ADAMTSL1: variants seen among roughly 807,000 people sequenced by gnomAD.
The protein encoded by ADAMTSL1 is ADAMTS like 1.
A neutral mutation model predicts 201.8 loss-of-function variants in ADAMTSL1; 126 were observed. The observed-to-expected ratio is 0.62, with a 90% CI of 0.54 to 0.72. The LOEUF (loss-of-function observed/expected upper bound fraction) is 0.72. Among genes scored for constraint, ADAMTSL1 ranks in the 30% least tolerant of loss-of-function variants. The pLI, the probability that ADAMTSL1 is intolerant of heterozygous loss-of-function variation, is 0.00. For synonymous variants in ADAMTSL1, 1,121 were observed against 903.4 expected (o/e 1.24, Z -4.32); for missense variants, 2,679 against 2,277.8 (o/e 1.18, Z -3.59).
At chr9:17,927,097 T>A (rs946323566) in intron 1 of ADAMTSL1, among the ~76,000 whole-genome samples, 2 of 152,228 alleles carry the variant, frequency 1.3e-5, no homozygotes, top group Non-Finnish European at 2.9e-5. Context: ...CACCATACTA[T>A]GTTCTGTTTA....
chr9:18,400,254 A>G (rs1587080416), intron 2 of ADAMTSL1, among the ~76,000 whole-genome samples: 1 of 152,214 alleles, frequency 6.6e-6, no homozygotes, highest in Admixed American at 6.5e-5. Flanking sequence ...TATGTGGACC[A>G]TATACTCTGA....
intron 2 of ADAMTSL1, among the ~76,000 whole-genome samples, chr9:18,299,657 A>G (rs1448177044): frequency 6.6e-6 from 1 of 152,186 alleles, no homozygotes; most frequent in Non-Finnish European, 1.5e-5. Context: ...AATTGGCTGC[A>G]AAGTCAAGAC....
chr9:17,958,205 C>T (rs532545118), intron 1 of ADAMTSL1, among the ~76,000 whole-genome samples: 2 of 152,176 alleles, frequency 1.3e-5, no homozygotes, highest in Non-Finnish European at 2.9e-5. Context: ...CTGTGGAATG[C>T]AAGCCACCCT....
chr9:18,391,759 T>G (rs1056783366), intron 2 of ADAMTSL1, among the ~76,000 whole-genome samples: 1 of 151,962 alleles, frequency 6.6e-6, no homozygotes, highest in Admixed American at 6.6e-5. Context: ...CAATGAAGAC[T>G]CAGATGATTT....
At chr9:18,452,807 G>A (rs572369024) in intron 2 of ADAMTSL1, among the ~76,000 whole-genome samples, 18 of 152,324 alleles carry the variant, frequency 1.2e-4, no homozygotes, top group African/African-American at 2.6e-4. Context: ...AGGTTGGGCC[G>A]CCAAGGCCTC....
At chr9:18,585,449 A>G (rs1823421207) in intron 4 of ADAMTSL1, among the ~76,000 whole-genome samples, 1 of 152,212 alleles carries the variant, frequency 6.6e-6, no homozygotes, top group African/African-American at 2.4e-5. Flanking sequence ...ACTCATGCCC[A>G]TCATTATGTG....
At chr9:18,707,622 G>T (rs997670417) in intron 14 of ADAMTSL1, among the ~76,000 whole-genome samples, 3 of 152,232 alleles carry the variant, frequency 2.0e-5, no homozygotes, top group Admixed American at 6.5e-5. Context: ...AAAGTGATTT[G>T]TTCAAGATCA....
chr9:18,727,470 C>T (rs924508922), intron 15 of ADAMTSL1, among the ~76,000 whole-genome samples: 1 of 152,236 alleles, frequency 6.6e-6, no homozygotes. Flanking sequence ...GATGTACTTA[C>T]ACTGTCTCTC....
chr9:18,364,755 G>A (rs1274982131), intron 2 of ADAMTSL1, among the ~76,000 whole-genome samples: 1 of 152,072 alleles, frequency 6.6e-6, no homozygotes, highest in Non-Finnish European at 1.5e-5. Flanking sequence ...CTGCGTCTTG[G>A]GAGGCCTCAG....
intron 2 of ADAMTSL1, among the ~76,000 whole-genome samples, chr9:18,312,777 T>G (rs1834206107): frequency 6.6e-6 from 1 of 152,236 alleles, no homozygotes; most frequent in South Asian, 2.1e-4. Context: ...CAACAAAAAC[T>G]CTCTGCAAAG....
At chr9:18,352,675 G>A (rs1452504912) in intron 2 of ADAMTSL1, among the ~76,000 whole-genome samples, 1 of 152,098 alleles carries the variant, frequency 6.6e-6, no homozygotes, top group East Asian at 1.9e-4. Flanking sequence ...TACGCCATGT[G>A]ATTCCATTTT....
chr9:18,829,889 C>G lies in ADAMTSL1; in HGVS notation c.4161C>G (p.Leu1387=). The G allele has an allele frequency of 3.1e-6, 5 of 1,613,988 alleles. No homozygotes were observed. The highest frequency in any genetic ancestry group is 4.2e-6 in the Non-Finnish European group (5 of 1,179,878). ...PTQLEDIRAL[L]AATGPNLPSV... is the part of the protein sequence containing the mutation. ...AGTTGGAAGACATCAGGGCCTTGCT[C>G]GCTGCCACTGGACCGAACCTTCCTT... The change falls in exon 23 of 29, where the codon CTC becomes CTG. Residue 1387 remains leucine (L), a synonymous_variant. Coordinates refer to ENST00000380548, the MANE Select transcript of ADAMTSL1 (RefSeq NM_001040272.6).
chr9:18,542,063 T>C (rs1365203975), intron 3 of ADAMTSL1, among the ~76,000 whole-genome samples: 1 of 152,224 alleles, frequency 6.6e-6, no homozygotes, highest in Non-Finnish European at 1.5e-5. Context: ...GATCACCTAA[T>C]ACAGAGCAGG....
chr9:18,251,761 C>T (rs549454810), intron 2 of ADAMTSL1, among the ~76,000 whole-genome samples: 12 of 152,144 alleles, frequency 7.9e-5, no homozygotes, highest in East Asian at 5.8e-4. Flanking sequence ...AGAGCTGGCA[C>T]GGGCACAGAG....
intron 1 of ADAMTSL1, among the ~76,000 whole-genome samples, chr9:18,054,419 T>A (rs1822079494): frequency 6.6e-6 from 1 of 152,230 alleles, no homozygotes; most frequent in Non-Finnish European, 1.5e-5. Flanking sequence ...AGCCCAAAAT[T>A]TGAATCAGAC....
chr9:18,573,437 T>A (rs1464096303), intron 3 of ADAMTSL1: 2 of 155,816 alleles, frequency 1.3e-5, no homozygotes, highest in Non-Finnish European at 2.9e-5. Context: ...CATTCTGCCA[T>A]GCTGCCTTAA....
chr9:17,929,777 A>T (rs1007803434), intron 1 of ADAMTSL1, among the ~76,000 whole-genome samples: 1 of 152,210 alleles, frequency 6.6e-6, no homozygotes, highest in African/African-American at 2.4e-5. Flanking sequence ...CTTCTGTGTT[A>T]GATGGCTTCT....
At chr9:18,260,672 G>GA (rs1176849444) in intron 2 of ADAMTSL1, among the ~76,000 whole-genome samples, 1 of 152,160 alleles carries the variant, frequency 6.6e-6, no homozygotes, top group Admixed American at 6.5e-5. Context: ...GTTGCCTCTG[G>GA]AAGCCTGCAC....
chr9:18,817,278 C>T, intron 21 of ADAMTSL1, 41 bp downstream of exon 21: 3 of 1,540,684 alleles, frequency 1.9e-6, no homozygotes, highest in Non-Finnish European at 2.6e-6. Flanking sequence ...TTAATGGAGC[C>T]CTGTGCTAGG....
Sources: allele counts gnomAD v4.1 joint callset (sites outside exome capture counted in the v4.1 genomes callset), GRCh38; gene constraint gnomAD v4.1.1; transcripts MANE v1.5; gene names NCBI Gene and HGNC (gene_info 2026-07-23, HGNC 2026-07-21).